Variants in COG2 observed in about 807,000 individuals in gnomAD.
COG2 encodes the protein conserved oligomeric Golgi complex subunit 2.
COG2 carries 52 observed loss-of-function variants against 90.6 expected under a neutral mutation model. That is an observed-to-expected ratio of 0.57 (90% CI 0.46 to 0.72). The LOEUF is 0.72. Among genes scored for constraint, COG2 ranks in the 30% least tolerant of loss-of-function variants. The pLI is 0.00. For missense variants in COG2, 829 were observed against 891.2 expected, an observed-to-expected ratio of 0.93 and a Z score of 0.89; for synonymous variants, 337 against 320.4, an observed-to-expected ratio of 1.05 and a Z score of -0.55.
chr1:230,652,615 A>G (rs749531827), intron 1 of COG2, among the ~76,000 whole-genome samples: 2 of 152,226 alleles, frequency 1.3e-5, no homozygotes, highest in East Asian at 3.9e-4. Context: ...GAAACTGCCA[A>G]GCTGTCTTCC....
In COG2 at chr1:230,691,390, T is replaced by C; in HGVS notation, c.1941T>C (p.Tyr647=). Residue 647 remains tyrosine, a synonymous_variant, in exon 17 of 18, where the codon TAT becomes TAC. Transcript: ENST00000366669. The stretch of plus-strand genomic sequence containing the variant: ...AACGTGTCTTCTATTCAAGGTACTA[T>C]GAAACCGTGTCAGATGTATTAAACT... The part of the protein sequence containing the change: ...GTLSESTHKY[Y]ETVSDVLNSV... 1 of 1,611,924 alleles carries C rather than the reference T, an allele frequency of 6.2e-7. No homozygotes were observed. The highest frequency in any genetic ancestry group is 8.5e-7 in the Non-Finnish European group (1 of 1,179,150).
At position 230,693,511 on chromosome 1, in the gene COG2, C is replaced by T. The variant is rs1442174170; in HGVS notation, c.*118C>T. The stretch of plus-strand genomic sequence containing the variant: ...ACCGTCTGTAGCAAAGAAGTGCTTC[C>T]AGCATCACTCCAGCAACACGCCCAT... On this transcript the variant is annotated 3_prime_UTR_variant, in exon 18 of 18. Transcript: ENST00000366669. The T allele has an allele frequency of 9.6e-6, 6 of 624,936 alleles. No homozygotes were observed. The highest frequency in any genetic ancestry group is 5.5e-5 in the African/African-American group (3 of 54,258). The allele number at this position is 624,936 out of a possible 1,614,324, so 38.7% of individuals were successfully genotyped here. A position where few individuals can be genotyped will look rare whatever the true frequency, so the allele number is the denominator to read the frequency against.
At chr1:230,680,605 T>C (rs1662719804) in intron 10 of COG2, 1 of 152,214 alleles carries the variant, frequency 6.6e-6, no homozygotes, top group African/African-American at 2.4e-5. Flanking sequence ...AAGTCTTTTT[T>C]ACCTTCACCA....
At chr1:230,678,611 G>A (rs1662656034) in intron 9 of COG2, 1 of 1,314,322 alleles carries the variant, frequency 7.6e-7, no homozygotes, top group African/African-American at 1.5e-5. Flanking sequence ...AATTCCAGTG[G>A]GCTGGGGTAG....
chr1:230,647,979 TC>T (rs1661831435), intron 1 of COG2, among the ~76,000 whole-genome samples: 1 of 152,294 alleles, frequency 6.6e-6, no homozygotes, highest in South Asian at 2.1e-4. Context: ...TGTTGTGACT[TC>T]CCCCAGAGTC....
intron 1 of COG2, among the ~76,000 whole-genome samples, chr1:230,657,191 T>C (rs1445464894): frequency 9.5e-6 from 1 of 104,994 alleles, no homozygotes; most frequent in Non-Finnish European, 1.9e-5. Context: ...GCAATGTTTT[T>C]GAAGTGGCTG....
chr1:230,671,694 G>A, intron 8 of COG2, 54 bp downstream of exon 8: 13 of 1,566,794 alleles, frequency 8.3e-6, no homozygotes, highest in Non-Finnish European at 1.1e-5. Flanking sequence ...GACCGCACCT[G>A]CTAATTGCAG....
chr1:230,642,848 G>A, intron 1 of COG2, 170 bp downstream of exon 1: 3 of 616,700 alleles, frequency 4.9e-6, no homozygotes, highest in South Asian at 2.1e-5. Flanking sequence ...AGGTTTGGCG[G>A]GTGCAGCCTG....
At chr1:230,643,784 A>G (rs1259137644) in intron 1 of COG2, among the ~76,000 whole-genome samples, 1 of 152,170 alleles carries the variant, frequency 6.6e-6, no homozygotes, top group Admixed American at 6.5e-5. Context: ...CCACTGTACT[A>G]AAAGGTGTAA....
At chr1:230,678,288 C>T (rs527437918) in intron 9 of COG2, 2 of 985,318 alleles carry the variant, frequency 2.0e-6, no homozygotes, top group South Asian at 9.4e-5. Flanking sequence ...GAAGAAGAAG[C>T]ATCATTTGTA....
intron 1 of COG2, among the ~76,000 whole-genome samples, chr1:230,647,474 C>T (rs904636015): frequency 2.0e-5 from 3 of 152,178 alleles, no homozygotes; most frequent in East Asian, 1.9e-4. Context: ...GCTGAGCACT[C>T]GTGTGATTTT....
rs1663099918 is a variant in COG2 at position 230,693,706 on chromosome 1, A to T, written c.*313A>T. The T allele has an allele frequency of 5.0e-6, 1 of 200,656 alleles. No homozygotes were observed. The highest frequency in any genetic ancestry group is 2.3e-5 in the African/African-American group (1 of 43,272). The allele number at this position is 200,656 out of a possible 1,614,324, so 12.4% of individuals were successfully genotyped here. A position where few individuals can be genotyped will look rare whatever the true frequency, so the allele number is the denominator to read the frequency against. On this transcript the variant is annotated 3_prime_UTR_variant, in exon 18 of 18. Coordinates refer to ENST00000366669, the MANE Select transcript of COG2 (RefSeq NM_007357.3). The stretch of plus-strand genomic sequence containing the variant: ...TAGTGTGGAAGAGCTGATTTCTAAA[A>T]TATGATTAAAGTAAATATATACCTA...
chr1:230,668,974 A>G (rs1012761652), intron 6 of COG2, 190 bp downstream of exon 6: 18 of 492,366 alleles, frequency 3.7e-5, no homozygotes, highest in African/African-American at 2.8e-4. Flanking sequence ...ACTCAGTCAC[A>G]TTCTCCAGAT....
intron 1 of COG2, among the ~76,000 whole-genome samples, chr1:230,654,510 C>T (rs1425358259): frequency 6.6e-6 from 1 of 152,176 alleles, no homozygotes; most frequent in Non-Finnish European, 1.5e-5. Context: ...GTTTTGGTTA[C>T]TGTAGCCTTG....
intron 9 of COG2, among the ~76,000 whole-genome samples, chr1:230,677,398 A>T (rs1662625583): frequency 6.6e-6 from 1 of 152,222 alleles, no homozygotes; most frequent in Non-Finnish European, 1.5e-5. Flanking sequence ...GGTTTCCCAC[A>T]GATAAGACAA....
chr1:230,652,731 C>T (rs562162555), intron 1 of COG2, among the ~76,000 whole-genome samples: 1 of 152,268 alleles, frequency 6.6e-6, no homozygotes, highest in Admixed American at 6.5e-5. Flanking sequence ...TTTAGTCATT[C>T]TCTTCATTGG....
intron 1 of COG2, 171 bp downstream of exon 1, chr1:230,642,849 G>T (rs1001482791): frequency 3.1e-5 from 19 of 617,402 alleles, no homozygotes; most frequent in African/African-American, 3.1e-4. Flanking sequence ...GGTTTGGCGG[G>T]TGCAGCCTGG....
intron 13 of COG2, 107 bp from the exon 14 acceptor site, chr1:230,687,964 G>A (rs1228243525): frequency 8.7e-6 from 6 of 693,130 alleles, no homozygotes; most frequent in African/African-American, 3.8e-5. Flanking sequence ...CTGATTTTAA[G>A]TTCACCATTC....
intron 1 of COG2, among the ~76,000 whole-genome samples, chr1:230,643,246 G>T (rs1339024966): frequency 2.6e-5 from 4 of 152,206 alleles, no homozygotes; most frequent in Non-Finnish European, 2.9e-5. Context: ...TTTACGTGAT[G>T]CATTTGAAGA....
Sources: allele counts gnomAD v4.1 joint callset (sites outside exome capture counted in the v4.1 genomes callset), GRCh38; gene constraint gnomAD v4.1.1; transcripts MANE v1.5; gene names NCBI Gene and HGNC (gene_info 2026-07-23, HGNC 2026-07-21).